Variants in HDAC9 observed in about 807,000 individuals in gnomAD.
HDAC9 encodes histone deacetylase 9.
A neutral mutation model predicts 139.4 loss-of-function variants in HDAC9; 41 were observed. The ratio of observed to expected loss-of-function variants is 0.29; its 90% confidence interval spans 0.23 to 0.38. The LOEUF (loss-of-function observed/expected upper bound fraction) is 0.38. Ranked by LOEUF, HDAC9 falls within the 10% of genes least tolerant of loss-of-function variation. The probability of loss-of-function intolerance (pLI) is 1.00; values close to 1 mark genes in which losing one functional copy is unlikely to be tolerated. For missense variants in HDAC9, 1,147 were observed against 1,297.0 expected (o/e 0.88, Z 1.78); for synonymous variants, 517 against 476.2 (o/e 1.09, Z -1.12).
chr7:18,496,761 C>T (rs1797049530), intron 2 of HDAC9: 1 of 156,192 alleles, frequency 6.4e-6, no homozygotes, highest in African/African-American at 2.4e-5. Flanking sequence ...TACAGAAGCA[C>T]ATCTATTTAT....
Position 18,634,706 on chromosome 7 carries a change from T to C in HDAC9, c.876T>C (p.Asn292=). 6.3e-7 allele frequency: 1 copy of C among 1,598,106 alleles called. No individual in the cohort carries two copies. Among genetic ancestry groups the C allele is most frequent in the Middle Eastern group, 1.7e-4 (1 of 6,034 alleles). ...NNGPTGSVTE[N]ETSVLPPTPH... The stretch of plus-strand genomic sequence containing the variant: ...GGCCAACTGGAAGTGTTACTGAAAA[T>C]GAGACTTCGGTTTTGCCCCCTACCC... The change falls in exon 8 of 26, where the codon AAT becomes AAC. Residue 292 remains asparagine, a synonymous_variant. Coordinates refer to ENST00000686413, the MANE Select transcript of HDAC9 (RefSeq NM_178425.4).
chr7:18,745,770 T>C (rs1431892940), intron 13 of HDAC9, among the ~76,000 whole-genome samples: 1 of 151,686 alleles, frequency 6.6e-6, no homozygotes. Context: ...TTGGTCTCGA[T>C]CTGCTGACCT....
chr7:18,539,827 G>T (rs558335701), intron 2 of HDAC9, among the ~76,000 whole-genome samples: 36 of 151,894 alleles, frequency 2.4e-4, no homozygotes, highest in Non-Finnish European at 4.4e-4. Flanking sequence ...ATAGTTATTT[G>T]AATCTATAAA....
intron 2 of HDAC9, among the ~76,000 whole-genome samples, chr7:18,505,270 T>C (rs1043597925): frequency 2.6e-5 from 4 of 152,166 alleles, no homozygotes; most frequent in African/African-American, 9.7e-5. Flanking sequence ...TTATTATTAA[T>C]GTATTTTGGC....
At chr7:18,739,599 A>C (rs1187159769) in intron 13 of HDAC9, among the ~76,000 whole-genome samples, 1 of 152,196 alleles carries the variant, frequency 6.6e-6, no homozygotes, top group Non-Finnish European at 1.5e-5. Flanking sequence ...TGAAGGCTGC[A>C]GAACAGCAAA....
At chr7:18,146,653 T>A (rs1454590120) in intron 1 of HDAC9, among the ~76,000 whole-genome samples, 2 of 152,238 alleles carry the variant, frequency 1.3e-5, no homozygotes, top group Non-Finnish European at 2.9e-5. Context: ...TTGTGTCATA[T>A]ATTTAAGTTA....
intron 2 of HDAC9, among the ~76,000 whole-genome samples, chr7:18,274,578 A>G (rs1428991501): frequency 6.6e-6 from 1 of 152,306 alleles, no homozygotes; most frequent in Non-Finnish European, 1.5e-5. Flanking sequence ...CCAAATTTCA[A>G]TATGAGTTTG....
At chr7:18,802,630 G>T (rs1389728248) in intron 17 of HDAC9, among the ~76,000 whole-genome samples, 1 of 124,974 alleles carries the variant, frequency 8.0e-6, no homozygotes, top group African/African-American at 3.8e-5. Context: ...TATCATGATA[G>T]ATTTTTTTAT....
intron 2 of HDAC9, among the ~76,000 whole-genome samples, chr7:18,201,986 C>T (rs1791165442): frequency 6.6e-6 from 1 of 152,198 alleles, no homozygotes; most frequent in Non-Finnish European, 1.5e-5. Context: ...TTTTCCTGTT[C>T]TCTCCTGACC....
At chr7:18,429,011 T>A (rs1790384443) in intron 1 of HDAC9, 1 of 152,244 alleles carries the variant, frequency 6.6e-6, no homozygotes, top group Non-Finnish European at 1.5e-5. Flanking sequence ...GTTTTTCAGA[T>A]CACCCTGTAG....
chr7:18,380,979 C>T (rs1282104825), intron 1 of HDAC9, among the ~76,000 whole-genome samples: 3 of 151,842 alleles, frequency 2.0e-5, no homozygotes, highest in Non-Finnish European at 1.5e-5. Flanking sequence ...AGACAGATCG[C>T]TTGAGGCCAG....
At chr7:18,902,758 C>A (rs1033965829) in intron 22 of HDAC9, among the ~76,000 whole-genome samples, 1 of 151,982 alleles carries the variant, frequency 6.6e-6, no homozygotes, top group African/African-American at 2.4e-5. Context: ...AAATAAGGAA[C>A]ACTTTTGATT....
intron 2 of HDAC9, among the ~76,000 whole-genome samples, chr7:18,568,383 C>T (rs1278107320): frequency 1.3e-5 from 2 of 152,134 alleles, no homozygotes; most frequent in African/African-American, 2.4e-5. Flanking sequence ...GTCTAGTGCT[C>T]ATTATTCTCG....
intron 3 of HDAC9, among the ~76,000 whole-genome samples, chr7:18,586,114 T>C (rs1424837129): frequency 6.6e-6 from 1 of 152,170 alleles, no homozygotes; most frequent in African/African-American, 2.4e-5. Flanking sequence ...TAAGAATTTA[T>C]TGAAAGTATT....
At chr7:18,625,110 C>T (rs1322999201) in intron 6 of HDAC9, among the ~76,000 whole-genome samples, 1 of 152,040 alleles carries the variant, frequency 6.6e-6, no homozygotes, top group African/African-American at 2.4e-5. Flanking sequence ...TTTTGCATAA[C>T]TCCACCAACT....
rs146066951 is a variant in HDAC9, at chr7:18,789,286, G to GCGCGCACACACACACA, written c.2215-4058_2215-4057insGCGCACACACACACAC. On this transcript the variant is annotated intron_variant, in intron 16 of 25. Coordinates refer to ENST00000686413, the MANE Select transcript of HDAC9 (RefSeq NM_178425.4). ...TTAATGCACACGCAGACACATACAC[G>GCGCGCACACACACACA]CACACACACACACACACACACACAG... Among the ~76,000 whole-genome samples, 203 of 148,484 alleles carry GCGCGCACACACACACA rather than the reference G, an allele frequency of 1.4e-3. 1 individual carries two copies. The highest frequency in any genetic ancestry group is 2.2e-3 in the African/African-American group (87 of 39,966).
At chr7:18,658,899 C>CAAAAAAAAAAAAA (rs11306117) in intron 11 of HDAC9, among the ~76,000 whole-genome samples, 5 of 118,156 alleles carry the variant, frequency 4.2e-5, no homozygotes, top group Non-Finnish European at 7.9e-5. Context: ...AAAAAAAAAG[C>CAAAAAAAAAAAAA]AAAAAAAAAA....
At chr7:18,617,929 G>A (rs566450908) in intron 6 of HDAC9, among the ~76,000 whole-genome samples, 49 of 152,132 alleles carry the variant, frequency 3.2e-4, no homozygotes, top group African/African-American at 1.0e-3. Context: ...AACTGCTTCC[G>A]GATGACTGTA....
At chr7:18,436,647 T>A (rs2128768999) in intron 1 of HDAC9, among the ~76,000 whole-genome samples, 1 of 152,356 alleles carries the variant, frequency 6.6e-6, no homozygotes, top group Admixed American at 6.5e-5. Flanking sequence ...TGGTTATACC[T>A]TGTAAATTGT....
Sources: allele counts gnomAD v4.1 joint callset (sites outside exome capture counted in the v4.1 genomes callset), GRCh38; gene constraint gnomAD v4.1.1; transcripts MANE v1.5; gene names NCBI Gene and HGNC (gene_info 2026-07-23, HGNC 2026-07-21).